The following CMIP variants were observed in gnomAD, a reference collection of about 807,000 sequenced individuals.
CMIP encodes the protein c-Maf inducing protein.
In CMIP, 13 loss-of-function variants were observed where a neutral mutation model predicts 97.3. The observed-to-expected ratio is 0.13, with a 90% CI of 0.09 to 0.21. The LOEUF (loss-of-function observed/expected upper bound fraction) is 0.21. Ranked by LOEUF, CMIP falls within the 10% of genes least tolerant of loss-of-function variation. CMIP has a pLI of 1.00. For synonymous variants in CMIP, 538 were observed against 436.3 expected (o/e 1.23, Z -2.91); for missense variants, 847 against 1,024.9 (o/e 0.83, Z 2.37).
At chr16:81,473,383 C>G (rs894560747) in intron 1 of CMIP, among the ~76,000 whole-genome samples, 3 of 152,212 alleles carry the variant, frequency 2.0e-5, no homozygotes, top group Non-Finnish European at 2.9e-5. Context: ...AGCTGTTTTC[C>G]TCTTTGACCC....
chr16:81,445,152 G>C lies in CMIP; in HGVS notation c.-90G>C, dbSNP rs1011214732. 1 of 735,262 alleles carries C rather than the reference G, an allele frequency of 1.4e-6. No individual in the cohort carries two copies. The highest frequency in any genetic ancestry group is 2.0e-6 in the Non-Finnish European group (1 of 509,936). 45.5% of individuals were successfully genotyped at this position (735,262 alleles called of 1,614,324 possible). A position where few individuals can be genotyped will look rare whatever the true frequency, so the allele number is the denominator to read the frequency against. Reference sequence around the variant, plus strand: ...CCCCACCTTCCCGGGGGGTGGGGGGGTGCGGGCCGCCGGATCCGGGGGCCC... The same window carrying C: ...CCCCACCTTCCCGGGGGGTGGGGGGCTGCGGGCCGCCGGATCCGGGGGCCC... On this transcript the variant is annotated 5_prime_UTR_variant, in exon 1 of 21. Transcript: ENST00000537098.
At chr16:81,603,440 C>G (rs773944930) in intron 1 of CMIP, 3 of 454,368 alleles carry the variant, frequency 6.6e-6, no homozygotes, top group South Asian at 3.1e-5. Context: ...TATAGGAAAG[C>G]GACGAGGATA....
chr16:81,451,478 C>T (rs1445155076), intron 1 of CMIP, among the ~76,000 whole-genome samples: 2 of 152,188 alleles, frequency 1.3e-5, no homozygotes, highest in African/African-American at 4.8e-5. Context: ...ACTCTTGTTC[C>T]TTGAAAGAAA....
chr16:81,563,928 C>G (rs1390853096), intron 1 of CMIP, among the ~76,000 whole-genome samples: 2 of 152,250 alleles, frequency 1.3e-5, no homozygotes, highest in Non-Finnish European at 2.9e-5. Flanking sequence ...GCCTAGCTGT[C>G]TCCAGCAGCT....
chr16:81,451,334 G>A (rs933424384), intron 1 of CMIP, among the ~76,000 whole-genome samples: 5 of 152,158 alleles, frequency 3.3e-5, no homozygotes, highest in Admixed American at 1.3e-4. Flanking sequence ...CATGTAAGAC[G>A]TGCCTTTCAC....
rs373398356 is a variant in CMIP, at chr16:81,658,510, C to A, written c.681+694C>A. On this transcript the variant is annotated intron_variant, in intron 5 of 20. Transcript: ENST00000537098. ...CAGAGAGTAAGTAGAGTGATAAACT[C>A]CCCTGGGAAAGGAGCCAGAAAGCTT... Among the ~76,000 whole-genome samples, 6 of 152,310 alleles carry A rather than the reference C, an allele frequency of 3.9e-5. No individual in the cohort carries two copies. In the East Asian group the frequency reaches 7.7e-4, roughly 20 times the overall value.
intron 1 of CMIP, among the ~76,000 whole-genome samples, chr16:81,474,090 C>A (rs1372066931): frequency 6.6e-6 from 1 of 152,074 alleles, no homozygotes; most frequent in East Asian, 1.9e-4. Flanking sequence ...CCTGGCTGTG[C>A]CCATGTTCCT....
intron 1 of CMIP, among the ~76,000 whole-genome samples, chr16:81,484,952 T>TG (rs1567538855): frequency 6.6e-6 from 1 of 150,708 alleles, no homozygotes. Flanking sequence ...CCTGAAAACC[T>TG]CTTTTTTTTT....
At chr16:81,537,568 A>T (rs2090368734) in intron 1 of CMIP, among the ~76,000 whole-genome samples, 1 of 148,144 alleles carries the variant, frequency 6.8e-6, no homozygotes, top group African/African-American at 2.4e-5. Flanking sequence ...AAAAAAAAAA[A>T]AAAGACCCAA....
chr16:81,513,281 C>T (rs1473436999), intron 1 of CMIP, among the ~76,000 whole-genome samples: 1 of 152,254 alleles, frequency 6.6e-6, no homozygotes, highest in East Asian at 1.9e-4. Flanking sequence ...TGCCAGCAGG[C>T]TATTCAGAGG....
intron 1 of CMIP, among the ~76,000 whole-genome samples, chr16:81,497,739 TG>T (rs1235462175): frequency 6.6e-6 from 1 of 152,274 alleles, no homozygotes; most frequent in Non-Finnish European, 1.5e-5. Context: ...CTCAGTGGCC[TG>T]GCCCTGCTGT....
At chr16:81,608,485 GC>G (rs1292841433) in intron 2 of CMIP, among the ~76,000 whole-genome samples, 4 of 152,018 alleles carry the variant, frequency 2.6e-5, no homozygotes, top group Non-Finnish European at 5.9e-5. Flanking sequence ...AAGAGTGAGC[GC>G]CCTTTTTCTT....
At chr16:81,643,073 G>A (rs1042894057) in intron 3 of CMIP, among the ~76,000 whole-genome samples, 3 of 152,190 alleles carry the variant, frequency 2.0e-5, no homozygotes, top group African/African-American at 7.2e-5. Flanking sequence ...ACCCACAACA[G>A]TTTTGGCAGA....
At chr16:81,473,334 G>T (rs1405901576) in intron 1 of CMIP, among the ~76,000 whole-genome samples, 1 of 152,196 alleles carries the variant, frequency 6.6e-6, no homozygotes, top group Non-Finnish European at 1.5e-5. Flanking sequence ...AGCAGGGGCC[G>T]CTCTGTAATT....
intron 2 of CMIP, among the ~76,000 whole-genome samples, chr16:81,610,790 G>A (rs1174069591): frequency 6.6e-6 from 1 of 152,176 alleles, no homozygotes; most frequent in Non-Finnish European, 1.5e-5. Context: ...GCTTTCTTCA[G>A]TCCTGGTTGT....
At chr16:81,667,799 A>AGAGAGAGAGAGAGAGAGTGTGTGTGTGT in intron 7 of CMIP, among the ~76,000 whole-genome samples, 3 of 58,136 alleles carry the variant, frequency 5.2e-5, no homozygotes, top group Non-Finnish European at 3.2e-5. Flanking sequence ...AGAGAGAGAG[A>AGAGAGAGAGAGAGAGAGTGTGTGTGTGT]GTGTGTGTGT....
chr16:81,670,452 C>G (rs542071911), intron 8 of CMIP, among the ~76,000 whole-genome samples: 26 of 152,266 alleles, frequency 1.7e-4, no homozygotes, highest in Admixed American at 1.4e-3. Context: ...CCCACGACCC[C>G]TCAGGCTGTA....
intron 1 of CMIP, among the ~76,000 whole-genome samples, chr16:81,604,968 A>G (rs1197596177): frequency 6.6e-6 from 1 of 152,236 alleles, no homozygotes; most frequent in East Asian, 1.9e-4. Flanking sequence ...ATTTAGGCAT[A>G]TGAAACAGCA....
chr16:81,633,852 G>A (rs1292910986), intron 3 of CMIP, among the ~76,000 whole-genome samples: 2 of 152,314 alleles, frequency 1.3e-5, no homozygotes, highest in East Asian at 1.9e-4. Flanking sequence ...CCCAGAGGTC[G>A]GGGCCAGCCT....
Sources: gnomAD v4.1 joint callset for allele counts (sites outside exome capture counted in the v4.1 genomes callset) on GRCh38, gnomAD v4.1.1 for gene constraint, MANE v1.5 for transcripts, NCBI Gene and HGNC (gene_info 2026-07-23, HGNC 2026-07-21) for gene names.